The following CYB5R4 variants were observed in gnomAD, a reference collection of about 807,000 sequenced individuals.
CYB5R4 encodes N-terminal cytochrome b5 and cytochrome b5 oxidoreductase domain-containing protein.
CYB5R4 carries 55 observed loss-of-function variants against 70.2 expected under a neutral mutation model. That is an observed-to-expected ratio of 0.78 (90% CI 0.63 to 0.98). CYB5R4 has a LOEUF of 0.98. Ranked by LOEUF, CYB5R4 falls within the 50% of genes least tolerant of loss-of-function variation. CYB5R4 has a pLI of 0.00. For synonymous variants in CYB5R4, 197 were observed against 199.5 expected, an observed-to-expected ratio of 0.99 and a Z score of 0.11; for missense variants, 562 against 612.6, an observed-to-expected ratio of 0.92 and a Z score of 0.87.
chr6:83,886,993 A>C (rs2099460349), intron 2 of CYB5R4, among the ~76,000 whole-genome samples: 1 of 152,138 alleles, frequency 6.6e-6, no homozygotes, highest in Non-Finnish European at 1.5e-5. Context: ...CTTGAATTTA[A>C]ATATTTTATT....
chr6:83,940,814 C>G (rs2099469637), intron 14 of CYB5R4, among the ~76,000 whole-genome samples: 1 of 152,084 alleles, frequency 6.6e-6, no homozygotes, highest in Non-Finnish European at 1.5e-5. Context: ...ATATATGTGT[C>G]ACTAAGATGC....
intron 2 of CYB5R4, among the ~76,000 whole-genome samples, chr6:83,881,627 C>A (rs2099459458): frequency 6.6e-6 from 1 of 152,172 alleles, no homozygotes; most frequent in African/African-American, 2.4e-5. Flanking sequence ...GCTTTAGTTT[C>A]ACCTTTCTTC....
Position 83,961,952 on chromosome 6 carries a change from A to C in CYB5R4, c.*2074A>C, listed in dbSNP as rs2099473418. On this transcript the variant is annotated 3_prime_UTR_variant, in exon 16 of 16. Coordinates refer to ENST00000369681, the MANE Select transcript of CYB5R4 (RefSeq NM_016230.4). ...ATTTTGTTATATTTATATTTTGTTT[A>C]TATTTTAAAACAAATCCATAAGTGT... 6.6e-6 allele frequency: 1 copy of C among 151,566 alleles called. No homozygotes were observed. The highest frequency in any genetic ancestry group is 2.4e-5 in the African/African-American group (1 of 41,316). 9.4% of individuals were successfully genotyped at this position (151,566 alleles called of 1,614,324 possible). A position where few individuals can be genotyped will look rare whatever the true frequency, so the allele number is the denominator to read the frequency against.
intron 2 of CYB5R4, 111 bp from the exon 3 acceptor site, chr6:83,893,411 T>G (rs2099461432): frequency 1.6e-6 from 1 of 632,878 alleles, no homozygotes. Context: ...GAAATAACAG[T>G]GATTAATTAA....
At chr6:83,870,376 T>A (rs2099457403) in intron 2 of CYB5R4, among the ~76,000 whole-genome samples, 1 of 151,728 alleles carries the variant, frequency 6.6e-6, no homozygotes, top group Non-Finnish European at 1.5e-5. Flanking sequence ...TCAGTAATGA[T>A]AACGAAAGCT....
chr6:83,866,432 A>G (rs1014181417), intron 2 of CYB5R4, among the ~76,000 whole-genome samples: 2 of 152,146 alleles, frequency 1.3e-5, no homozygotes, highest in Non-Finnish European at 2.9e-5. Context: ...CCGGAAATTT[A>G]AAATGCTCCA....
intron 10 of CYB5R4, among the ~76,000 whole-genome samples, chr6:83,926,782 G>A (rs1404429730): frequency 6.6e-6 from 1 of 152,144 alleles, no homozygotes; most frequent in Admixed American, 6.5e-5. Context: ...TCATGTGGCT[G>A]TGCTAAGTAG....
intron 12 of CYB5R4, among the ~76,000 whole-genome samples, chr6:83,937,790 A>T (rs576366466): frequency 1.3e-5 from 2 of 152,364 alleles, no homozygotes; most frequent in South Asian, 4.1e-4. Flanking sequence ...AAGTGCTGGG[A>T]TCACAGGTGT....
At chr6:83,882,381 C>G (rs192939224) in intron 2 of CYB5R4, among the ~76,000 whole-genome samples, 141 of 152,272 alleles carry the variant, frequency 9.3e-4, no homozygotes, top group Admixed American at 2.2e-3. Context: ...GGGACAGACT[C>G]TATGCTACCT....
At chr6:83,914,300 A>C in intron 4 of CYB5R4, 116 bp from the exon 5 acceptor site, 1 of 1,155,930 alleles carries the variant, frequency 8.7e-7, no homozygotes, top group Non-Finnish European at 1.2e-6. Context: ...CTCAGGCCTT[A>C]GAAGAAAGCC....
chr6:83,912,193 T>C (rs1387112779), intron 4 of CYB5R4, among the ~76,000 whole-genome samples: 1 of 152,152 alleles, frequency 6.6e-6, no homozygotes, highest in Admixed American at 6.5e-5. Context: ...ACTGTTTTCC[T>C]CTCCCATGCA....
At chr6:83,958,746 C>G (rs1393374262) in intron 15 of CYB5R4, among the ~76,000 whole-genome samples, 1 of 152,152 alleles carries the variant, frequency 6.6e-6, no homozygotes, top group Non-Finnish European at 1.5e-5. Flanking sequence ...AATCCCAGGT[C>G]TACCACTTAC....
intron 2 of CYB5R4, among the ~76,000 whole-genome samples, chr6:83,873,960 T>C (rs1346520659): frequency 6.6e-6 from 1 of 152,168 alleles, no homozygotes; most frequent in Non-Finnish European, 1.5e-5. Flanking sequence ...GGTGTGTTTA[T>C]GTGTGATTTC....
At chr6:83,924,406 G>C (rs1294499539) in intron 9 of CYB5R4, 64 bp from the exon 10 acceptor site, 1 of 1,525,228 alleles carries the variant, frequency 6.6e-7, no homozygotes, top group Non-Finnish European at 9.0e-7. Context: ...GAGAAATACT[G>C]GTTTTAAAAT....
At chr6:83,929,891 AT>A (rs1381265583) in intron 10 of CYB5R4, among the ~76,000 whole-genome samples, 3 of 152,136 alleles carry the variant, frequency 2.0e-5, no homozygotes, top group African/African-American at 7.2e-5. Context: ...CAATTTTGAT[AT>A]GTTAACAGCC....
chr6:83,907,272 G>T (rs991524219), intron 3 of CYB5R4, among the ~76,000 whole-genome samples: 1 of 152,046 alleles, frequency 6.6e-6, no homozygotes, highest in African/African-American at 2.4e-5. Flanking sequence ...GACTTTTAAG[G>T]CATATTGAGA....
intron 3 of CYB5R4, among the ~76,000 whole-genome samples, chr6:83,905,783 A>G (rs2099463666): frequency 6.6e-6 from 1 of 151,798 alleles, no homozygotes; most frequent in Non-Finnish European, 1.5e-5. Context: ...ATGGGTGGTG[A>G]CGGTGGCAGT....
intron 2 of CYB5R4, among the ~76,000 whole-genome samples, chr6:83,869,683 AGCTGG>A (rs1239943273): frequency 6.6e-6 from 1 of 152,176 alleles, no homozygotes; most frequent in African/African-American, 2.4e-5. Context: ...ACAAAAAATT[AGCTGG>A]GCATAGTGGC....
At chr6:83,955,597 C>A in intron 15 of CYB5R4, 135 bp downstream of exon 15, 2 of 851,690 alleles carry the variant, frequency 2.3e-6, no homozygotes, top group Non-Finnish European at 3.4e-6. Flanking sequence ...ATAACAAAGT[C>A]TTTAAATCTT....
Sources: allele counts gnomAD v4.1 joint callset (sites outside exome capture counted in the v4.1 genomes callset), GRCh38; gene constraint gnomAD v4.1.1; transcripts MANE v1.5; gene names NCBI Gene and HGNC (gene_info 2026-07-23, HGNC 2026-07-21).